The following CCDC116 variants were observed in gnomAD, a reference collection of about 807,000 sequenced individuals.
CCDC116 encodes the protein coiled-coil domain containing 116.
In CCDC116, 24 loss-of-function variants were observed where a neutral mutation model predicts 29.4. That is an observed-to-expected ratio of 0.82 (90% confidence interval 0.59 to 1.15). CCDC116 has a LOEUF of 1.15. Ranked by LOEUF, CCDC116 falls within the 50% of genes most tolerant of loss-of-function variation. CCDC116 has a pLI of 0.00. For missense variants in CCDC116, 791 were observed against 804.0 expected (o/e 0.98, Z 0.20); for synonymous variants, 298 against 331.4 (o/e 0.90, Z 1.10).
In CCDC116 at chr22:21,636,587, C is replaced by T. The variant is rs781429637; in HGVS notation, c.1359C>T (p.Phe453=). Residue 453 remains phenylalanine (F), a synonymous_variant, in exon 5 of 5, where the codon TTC becomes TTT. Transcript: ENST00000292779. ...AASLVIRKYE[F]EKDLSKQLGF... ...CCTTGGTCATCCGCAAGTACGAGTT[C>T]GAAAAGGACCTCAGTAAGCAGCTGG... 31 of 1,614,016 alleles carry T rather than the reference C, an allele frequency of 1.9e-5. No homozygotes were observed. In the South Asian group the frequency reaches 2.5e-4, roughly 13 times the overall value.
rs1930697754 is a variant in CCDC116 at position 21,634,522 on chromosome 22, C to T, written c.573C>T (p.Leu191=). 1 of 1,611,618 alleles carries T rather than the reference C, an allele frequency of 6.2e-7. No individual in the cohort carries two copies. Among genetic ancestry groups the T allele is most frequent in the Non-Finnish European group, 8.5e-7 (1 of 1,178,132 alleles). ...QGSLPPVRDK[L]LLEKNLKRLL... ...CATTGCCACCTGTGAGGGACAAACT[C>T]CTGCTGGAGAAGAACCTCAAGCGGC... is the stretch of plus-strand genomic sequence containing the variant. Residue 191 remains leucine (L), a synonymous_variant, in exon 3 of 5, where the codon CTC becomes CTT. Transcript: ENST00000292779.
Position 21,633,129 on chromosome 22 carries a change from C to T in CCDC116, c.-53C>T, listed in dbSNP as rs867353228. 8.4e-6 allele frequency: 12 copies of T among 1,425,080 alleles called. No homozygotes were observed. The highest frequency in any genetic ancestry group is 9.7e-6 in the Non-Finnish European group (10 of 1,032,382). 88.3% of individuals were successfully genotyped at this position (1,425,080 alleles called of 1,614,324 possible). ...TCCCCACCCCACGCAGAGAGGAATG[C>T]GCAGCTGAAGAGAGAGGTGGGCAGC... On this transcript the variant is annotated 5_prime_UTR_variant, in exon 2 of 5. Coordinates refer to ENST00000292779, the MANE Select transcript of CCDC116 (RefSeq NM_152612.3).
Position 21,634,465 on chromosome 22 carries a change from C to T in CCDC116, c.516C>T (p.His172=), listed in dbSNP as rs1481170993. ...SSLMAGCLGS[H]SRDSDLGAQG... is the part of the protein sequence containing the mutation. ...TCATGGCCGGCTGTCTGGGCTCCCA[C>T]AGCCGGGACAGTGACCTAGGTGCCC... The change falls in exon 3 of 5, where the codon CAC becomes CAT. Residue 172 remains histidine (H), a synonymous_variant. Coordinates refer to ENST00000292779, the MANE Select transcript of CCDC116 (RefSeq NM_152612.3). 5.0e-6 allele frequency: 8 copies of T among 1,614,094 alleles called. No homozygotes were observed. Among genetic ancestry groups the T allele is most frequent in the Non-Finnish European group, 5.9e-6 (7 of 1,180,050 alleles).
chr22:21,634,080 G>C lies in CCDC116; in HGVS notation c.131G>C (p.Arg44Pro), dbSNP rs148804210. 1 of 1,613,956 alleles carries C rather than the reference G, an allele frequency of 6.2e-7. No individual in the cohort carries two copies. Among genetic ancestry groups the C allele is most frequent in the Non-Finnish European group, 8.5e-7 (1 of 1,179,926 alleles). ...ATGCGGCCAGCCTGCAAGCCGGGCCGTGTGCCACACCCACCATCCACATGT... is the reference window on the plus strand; with the variant it reads ...ATGCGGCCAGCCTGCAAGCCGGGCCCTGTGCCACACCCACCATCCACATGT... ...PEMRPACKPGRVPHPPSTCGS... is the reference protein window; with the variant it reads ...PEMRPACKPGPVPHPPSTCGS... Residue 44 changes from arginine (R) to proline (P), a missense_variant, in exon 3 of 5, where the codon CGT becomes CCT. Arg to Pro is a moderately radical substitution (Grantham distance 103). Coordinates refer to ENST00000292779, the MANE Select transcript of CCDC116 (RefSeq NM_152612.3).
At chr22:21,633,896 C>T (rs893572037) in intron 2 of CCDC116, 126 bp from the exon 3 acceptor site, 44 of 978,386 alleles carry the variant, frequency 4.5e-5, no homozygotes, top group Admixed American at 1.2e-4. Context: ...GGTCCAAACC[C>T]AGGGCTTCCA....
chr22:21,633,873 G>A, intron 2 of CCDC116, 149 bp from the exon 3 acceptor site: 1 of 730,186 alleles, frequency 1.4e-6, no homozygotes, highest in Non-Finnish European at 2.2e-6. Flanking sequence ...CAGGCTGTAG[G>A]TGGCAGAGCC....
At position 21,634,092 on chromosome 22, in the gene CCDC116, C is replaced by T; in HGVS notation, c.143C>T (p.Pro48Leu). Residue 48 changes from proline to leucine, a missense_variant, in exon 3 of 5, where the codon CCA (proline) becomes CTA (leucine). Physicochemically the swap from Pro to Leu is moderately conservative, Grantham distance 98 (BLOSUM62 -3). Coordinates refer to ENST00000292779, the MANE Select transcript of CCDC116 (RefSeq NM_152612.3). ...PACKPGRVPHPPSTCGSSALQ... is the reference protein window; with the variant it reads ...PACKPGRVPHLPSTCGSSALQ... Reference sequence around the variant, plus strand: ...TGCAAGCCGGGCCGTGTGCCACACCCACCATCCACATGTGGCAGCTCAGCA... The same window carrying T: ...TGCAAGCCGGGCCGTGTGCCACACCTACCATCCACATGTGGCAGCTCAGCA... The T allele has an allele frequency of 1.2e-6, 2 of 1,614,200 alleles. No homozygotes were observed. The highest frequency in any genetic ancestry group is 1.1e-5 in the South Asian group (1 of 91,084).
Position 21,637,084 on chromosome 22 carries a change from C to G in CCDC116, c.*14C>G. 6.3e-7 allele frequency: 1 copy of G among 1,591,482 alleles called. No individual in the cohort carries two copies. The highest frequency in any genetic ancestry group is 8.6e-7 in the Non-Finnish European group (1 of 1,167,144). ...GATGGAGTCTAGAGCCTCCCAGAGC[C>G]TGGAGAGGAGGCCTCGGTCAGCCAC... is the stretch of plus-strand genomic sequence containing the variant. On this transcript the variant is annotated 3_prime_UTR_variant, in exon 5 of 5. Coordinates refer to ENST00000292779, the MANE Select transcript of CCDC116 (RefSeq NM_152612.3).
chr22:21,637,129 G>T lies in CCDC116; in HGVS notation c.*59G>T. ...AGCCACTCCGTGGACGTGGGCCACG[G>T]TGACCCACCATGAAGTCCCCACTAG... On this transcript the variant is annotated 3_prime_UTR_variant, in exon 5 of 5. Transcript: ENST00000292779. 3 of 1,500,688 alleles carry T rather than the reference G, an allele frequency of 2.0e-6. No individual in the cohort carries two copies. Among genetic ancestry groups the T allele is most frequent in the Non-Finnish European group, 2.7e-6 (3 of 1,124,064 alleles). 93.0% of individuals were successfully genotyped at this position (1,500,688 alleles called of 1,614,324 possible).
rs1477150651 is a variant in CCDC116, at chr22:21,634,287, A to G, written c.338A>G (p.Asp113Gly). ...EAGVPLVEVQ[D>G]PVEVPSGGRR... ...GGGGTGCCGCTTGTGGAGGTGCAGGACCCAGTGGAGGTGCCAAGTGGTGGA... is the reference window on the plus strand; with the variant it reads ...GGGGTGCCGCTTGTGGAGGTGCAGGGCCCAGTGGAGGTGCCAAGTGGTGGA... Residue 113 changes from aspartate to glycine, a missense_variant, in exon 3 of 5, where the codon GAC (aspartate) becomes GGC (glycine). By Grantham distance (94) the Asp-to-Gly change is moderately conservative (BLOSUM62 -1). Coordinates refer to ENST00000292779, the MANE Select transcript of CCDC116 (RefSeq NM_152612.3). The G allele has an allele frequency of 1.2e-6, 2 of 1,613,588 alleles. No individual in the cohort carries two copies. Among genetic ancestry groups the G allele is most frequent in the South Asian group, 2.2e-5 (2 of 91,078 alleles).
In CCDC116 at chr22:21,633,169, G is replaced by A. The variant is rs1034010266; in HGVS notation, c.-13G>A. The A allele has an allele frequency of 6.5e-7, 1 of 1,550,370 alleles. No homozygotes were observed. ...AGGTGGGCAGCAGGCCCGGTCACCT[G>A]CCAGGTGACCACATGGCCAGGTGCC... On this transcript the variant is annotated 5_prime_UTR_variant, in exon 2 of 5. Coordinates refer to ENST00000292779, the MANE Select transcript of CCDC116 (RefSeq NM_152612.3).
chr22:21,634,057 G>A lies in CCDC116; in HGVS notation c.108G>A (p.Met36Ile). Residue 36 changes from methionine (M) to isoleucine (I), a missense_variant, in exon 3 of 5, where the codon ATG becomes ATA. Transcript: ENST00000292779. Reference sequence around the variant, plus strand: ...CCAAGAAGCCACTGGTCCCAGAAATGCGGCCAGCCTGCAAGCCGGGCCGTG... The same window carrying A: ...CCAAGAAGCCACTGGTCCCAGAAATACGGCCAGCCTGCAAGCCGGGCCGTG... ...QLPKKPLVPE[M>I]RPACKPGRVP... 6.2e-7 allele frequency: 1 copy of A among 1,612,554 alleles called. No individual in the cohort carries two copies.
Position 21,634,035 on chromosome 22 carries a change from A to G in CCDC116, c.86A>G (p.Lys29Arg). The G allele has an allele frequency of 6.2e-7, 1 of 1,607,710 alleles. No individual in the cohort carries two copies. Among genetic ancestry groups the G allele is most frequent in the Non-Finnish European group, 8.5e-7 (1 of 1,176,528 alleles). The stretch of plus-strand genomic sequence containing the variant: ...CTGTCTGCTCAGGTGCAGCTGCCCA[A>G]GAAGCCACTGGTCCCAGAAATGCGG... ...SMCSARVQLP[K>R]KPLVPEMRPA... Residue 29 changes from lysine (K) to arginine (R), a missense_variant, in exon 3 of 5, where the codon AAG becomes AGG. By Grantham distance (26) the Lys-to-Arg change is conservative. Coordinates refer to ENST00000292779, the MANE Select transcript of CCDC116 (RefSeq NM_152612.3).
At position 21,634,451 on chromosome 22, in the gene CCDC116, T is replaced by A. The variant is rs769375741; in HGVS notation, c.502T>A (p.Cys168Ser). 1 of 1,614,074 alleles carries A rather than the reference T, an allele frequency of 6.2e-7. No homozygotes were observed. The highest frequency in any genetic ancestry group is 8.5e-7 in the Non-Finnish European group (1 of 1,180,022). The change falls in exon 3 of 5, where the codon TGT (cysteine) becomes AGT (serine). Residue 168 changes from cysteine (C) to serine (S), a missense_variant. Cys to Ser is a moderately radical substitution (Grantham distance 112). Transcript: ENST00000292779. ...CTGCCATAGCAGCCTCATGGCCGGC[T>A]GTCTGGGCTCCCACAGCCGGGACAG... ...SNCHSSLMAG[C>S]LGSHSRDSDL...
Position 21,637,277 on chromosome 22 carries a change from A to C in CCDC116, c.*207A>C. The C allele has an allele frequency of 1.8e-6, 1 of 570,888 alleles. No individual in the cohort carries two copies. The highest frequency in any genetic ancestry group is 3.3e-5 in the East Asian group (1 of 30,024). The allele number at this position is 570,888 out of a possible 1,614,324, so 35.4% of individuals were successfully genotyped here. A position where few individuals can be genotyped will look rare whatever the true frequency, so the allele number is the denominator to read the frequency against. Reference sequence around the variant, plus strand: ...CTGAGACTCTCAAGGGAGCCAGTGAAAGAAATAGAAATAAAGCCTGTGTTG... The same window carrying C: ...CTGAGACTCTCAAGGGAGCCAGTGACAGAAATAGAAATAAAGCCTGTGTTG... On this transcript the variant is annotated 3_prime_UTR_variant, in exon 5 of 5. Coordinates refer to ENST00000292779, the MANE Select transcript of CCDC116 (RefSeq NM_152612.3).
Position 21,636,596 on chromosome 22 carries a change from C to T in CCDC116, c.1368C>T (p.Asp456=). 1 of 1,614,158 alleles carries T rather than the reference C, an allele frequency of 6.2e-7. No individual in the cohort carries two copies. Among genetic ancestry groups the T allele is most frequent in the Non-Finnish European group, 8.5e-7 (1 of 1,180,036 alleles). ...TCCGCAAGTACGAGTTCGAAAAGGA[C>T]CTCAGTAAGCAGCTGGGCTTCTTCT... The part of the protein sequence containing the change: ...LVIRKYEFEK[D]LSKQLGFFSF... The change falls in exon 5 of 5, where the codon GAC becomes GAT. Residue 456 remains aspartate (D), a synonymous_variant. Coordinates refer to ENST00000292779, the MANE Select transcript of CCDC116 (RefSeq NM_152612.3).
Position 21,634,961 on chromosome 22 carries a change from A to T in CCDC116, c.898A>T (p.Thr300Ser). Reference protein sequence around the residue: ...GYCPLREPHRTLNFLADHRLF... With the variant: ...GYCPLREPHRSLNFLADHRLF... ...CTGTCCGCTCCGTGAGCCCCATCGCACGCTGAACTTCCTGGCTGACCACCG... is the reference window on the plus strand; with the variant it reads ...CTGTCCGCTCCGTGAGCCCCATCGCTCGCTGAACTTCCTGGCTGACCACCG... Residue 300 changes from threonine (T) to serine (S), a missense_variant, in exon 4 of 5, where the codon ACG (threonine) becomes TCG (serine). By Grantham distance (58) the Thr-to-Ser change is moderately conservative (BLOSUM62 1). Coordinates refer to ENST00000292779, the MANE Select transcript of CCDC116 (RefSeq NM_152612.3). The T allele has an allele frequency of 6.2e-7, 1 of 1,613,136 alleles. No homozygotes were observed. The highest frequency in any genetic ancestry group is 8.5e-7 in the Non-Finnish European group (1 of 1,179,992).
At chr22:21,633,075 G>A (rs1260352386) in intron 1 of CCDC116, 45 bp from the exon 2 acceptor site, 6 of 873,036 alleles carry the variant, frequency 6.9e-6, no homozygotes, top group Non-Finnish European at 9.5e-6. Context: ...CCACAGATGC[G>A]TGGACCTATT....
In CCDC116 at chr22:21,634,540, C is replaced by T; in HGVS notation, c.591C>T (p.Leu197=). The T allele has an allele frequency of 1.9e-6, 3 of 1,608,220 alleles. No homozygotes were observed. The highest frequency in any genetic ancestry group is 2.6e-6 in the Non-Finnish European group (3 of 1,175,704). ...ACAAACTCCTGCTGGAGAAGAACCTCAAGCGGCTGCTACAGCTGGAGAGGG... is the reference window on the plus strand; with the variant it reads ...ACAAACTCCTGCTGGAGAAGAACCTTAAGCGGCTGCTACAGCTGGAGAGGG... ...VRDKLLLEKN[L]KRLLQLEREG... Residue 197 remains leucine, a synonymous_variant, in exon 3 of 5, where the codon CTC becomes CTT. Coordinates refer to ENST00000292779, the MANE Select transcript of CCDC116 (RefSeq NM_152612.3).
Sources: gnomAD v4.1 joint callset for allele counts on GRCh38, gnomAD v4.1.1 for gene constraint, MANE v1.5 for transcripts, NCBI Gene and HGNC (gene_info 2026-07-23, HGNC 2026-07-21) for gene names.